The following MECOM variants were observed in gnomAD, a reference collection of about 807,000 sequenced individuals.
MECOM encodes histone-lysine N-methyltransferase MECOM.
A neutral mutation model predicts 116.3 loss-of-function variants in MECOM; 13 were observed. That is an observed-to-expected ratio of 0.11 (90% CI 0.07 to 0.18). MECOM has a LOEUF of 0.18. Ranked by LOEUF, MECOM falls within the 10% of genes least tolerant of loss-of-function variation. MECOM has a pLI of 1.00. For missense variants in MECOM, 1,299 were observed against 1,509.0 expected (o/e 0.86, Z 2.31); for synonymous variants, 528 against 535.2 (o/e 0.99, Z 0.19).
chr3:169,302,629 C>T (rs1716938945), intron 2 of MECOM, among the ~76,000 whole-genome samples: 1 of 152,044 alleles, frequency 6.6e-6, no homozygotes, highest in Admixed American at 6.6e-5. Context: ...CTTTGGGAGG[C>T]CGAGGCCGGT....
intron 2 of MECOM, among the ~76,000 whole-genome samples, chr3:169,219,612 A>G (rs1439881281): frequency 6.6e-6 from 1 of 152,142 alleles, no homozygotes; most frequent in Non-Finnish European, 1.5e-5. Context: ...TGCTATATAT[A>G]CACCACTATA....
chr3:169,476,473 C>T (rs960274694), intron 1 of MECOM, among the ~76,000 whole-genome samples: 6 of 152,086 alleles, frequency 3.9e-5, no homozygotes, highest in East Asian at 3.8e-4. Context: ...CCTGTCTGCC[C>T]GGTGCTTGAC....
intron 8 of MECOM, among the ~76,000 whole-genome samples, chr3:169,115,122 A>C (rs1250658905): frequency 6.6e-6 from 1 of 152,158 alleles, no homozygotes; most frequent in Non-Finnish European, 1.5e-5. Flanking sequence ...ACTCCAAAAA[A>C]AGTGTTTAAA....
At chr3:169,407,325 C>A (rs562383897) in intron 1 of MECOM, among the ~76,000 whole-genome samples, 4 of 152,316 alleles carry the variant, frequency 2.6e-5, no homozygotes, top group Admixed American at 2.6e-4. Flanking sequence ...GTTCAACCAA[C>A]TCCAGGTAAT....
intron 2 of MECOM, among the ~76,000 whole-genome samples, chr3:169,202,179 A>C (rs992789947): frequency 1.3e-5 from 2 of 152,166 alleles, no homozygotes; most frequent in African/African-American, 4.8e-5. Context: ...CATGTGCTCA[A>C]AAAACAAAAA....
intron 1 of MECOM, among the ~76,000 whole-genome samples, chr3:169,575,224 T>C (rs1764351911): frequency 6.6e-6 from 1 of 152,144 alleles, no homozygotes; most frequent in Admixed American, 6.5e-5. Context: ...TCGCCTTAAA[T>C]ATTGGCTCCA....
intron 1 of MECOM, among the ~76,000 whole-genome samples, chr3:169,413,089 G>C (rs965546436): frequency 2.0e-5 from 3 of 152,224 alleles, no homozygotes; most frequent in African/African-American, 7.2e-5. Context: ...AAACAGCTCT[G>C]ATCTGCAGCT....
At chr3:169,385,643 A>T (rs1733201183) in intron 1 of MECOM, among the ~76,000 whole-genome samples, 1 of 152,220 alleles carries the variant, frequency 6.6e-6, no homozygotes, top group South Asian at 2.1e-4. Flanking sequence ...ATAAACCAAA[A>T]TAAAATAATG....
intron 1 of MECOM, among the ~76,000 whole-genome samples, chr3:169,548,328 G>C (rs954181836): frequency 3.3e-5 from 5 of 152,184 alleles, no homozygotes; most frequent in Non-Finnish European, 5.9e-5. Context: ...TGTGCAAGTA[G>C]ACACAGCCAG....
chr3:169,362,090 T>C (rs1031998017), intron 2 of MECOM, among the ~76,000 whole-genome samples: 4 of 151,928 alleles, frequency 2.6e-5, no homozygotes, highest in East Asian at 3.9e-4. Flanking sequence ...CTATTTTCTA[T>C]GTAATTTAAA....
rs1560319096 is a variant in MECOM at position 169,472,660 on chromosome 3, A to AGGAGAGGAG, written c.38-91137_38-91136insCTCCTCTCC. Among the ~76,000 whole-genome samples, 554 of 105,910 alleles carry AGGAGAGGAG rather than the reference A, an allele frequency of 5.2e-3. 165 individuals are homozygous for AGGAGAGGAG. Among genetic ancestry groups the AGGAGAGGAG allele is most frequent in the African/African-American group, 0.018 (316 of 17,238 alleles). 69.5% of individuals were successfully genotyped at this position (105,910 alleles called of 152,430 possible). ...AAGGAAAGGAAAGGAAAAGAAAAGA[A>AGGAGAGGAG]AGGAAAGGAAAGGAGAGGAGAGGAA... On this transcript the variant is annotated intron_variant, in intron 1 of 16. Coordinates refer to ENST00000651503, the MANE Select transcript of MECOM (RefSeq NM_004991.4).
intron 2 of MECOM, among the ~76,000 whole-genome samples, chr3:169,158,644 G>T (rs1477045389): frequency 6.6e-6 from 1 of 152,136 alleles, no homozygotes; most frequent in Non-Finnish European, 1.5e-5. Flanking sequence ...CGAAGCCACG[G>T]TGGTCCATTC....
rs535212881 is a variant in MECOM, at chr3:169,472,557, A to G, written c.38-91033T>C. On this transcript the variant is annotated intron_variant, in intron 1 of 16. Coordinates refer to ENST00000651503, the MANE Select transcript of MECOM (RefSeq NM_004991.4). Reference sequence around the variant, plus strand: ...GAAAAGGAAAGGAAAGGAAAAGAAAAGAGAGGAGAGGAGAGGAGAGGAGAG... The same window carrying G: ...GAAAAGGAAAGGAAAGGAAAAGAAAGGAGAGGAGAGGAGAGGAGAGGAGAG... Among the ~76,000 whole-genome samples, 238 of 63,146 alleles carry G rather than the reference A, an allele frequency of 3.8e-3. 22 individuals carry two copies. The highest frequency in any genetic ancestry group is 5.1e-3 in the African/African-American group (57 of 11,168). The allele number at this position is 63,146 out of a possible 152,430, so 41.4% of individuals were successfully genotyped here.
At chr3:169,644,413 C>T (rs7653098) in intron 1 of MECOM, among the ~76,000 whole-genome samples, 49,148 of 151,830 alleles carry the variant, frequency 0.32, 8,683 homozygotes, top group East Asian at 0.54. Context: ...CATGACACCA[C>T]GCCTGGCTAA....
At chr3:169,201,797 G>A (rs1430293264) in intron 2 of MECOM, among the ~76,000 whole-genome samples, 1 of 152,084 alleles carries the variant, frequency 6.6e-6, no homozygotes, top group Non-Finnish European at 1.5e-5. Context: ...ACATTTCATA[G>A]ATAATTTTTC....
At chr3:169,324,390 T>A (rs1177542989) in intron 2 of MECOM, among the ~76,000 whole-genome samples, 1 of 152,252 alleles carries the variant, frequency 6.6e-6, no homozygotes, top group Non-Finnish European at 1.5e-5. Context: ...AAGAAAATCA[T>A]CTTCATGGCT....
chr3:169,394,495 C>G (rs1734719952), intron 1 of MECOM, among the ~76,000 whole-genome samples: 1 of 152,106 alleles, frequency 6.6e-6, no homozygotes, highest in South Asian at 2.1e-4. Context: ...GGCAGATAAT[C>G]AAGAGGATTG....
intron 8 of MECOM, among the ~76,000 whole-genome samples, chr3:169,113,345 C>T (rs1728045597): frequency 6.6e-6 from 1 of 150,434 alleles, no homozygotes; most frequent in African/African-American, 2.5e-5. Context: ...AGCATATACA[C>T]TGCTAGCCAC....
intron 1 of MECOM, among the ~76,000 whole-genome samples, chr3:169,651,246 C>A (rs1409370974): frequency 2.6e-5 from 4 of 152,118 alleles, no homozygotes; most frequent in Non-Finnish European, 4.4e-5. Context: ...TTGTCAAATG[C>A]CTTTTCTGCA....
Sources: gnomAD v4.1 joint callset for allele counts (sites outside exome capture counted in the v4.1 genomes callset) on GRCh38, gnomAD v4.1.1 for gene constraint, MANE v1.5 for transcripts, NCBI Gene and HGNC (gene_info 2026-07-23, HGNC 2026-07-21) for gene names.